Variants in S100Z observed in about 807,000 individuals in gnomAD.
S100Z encodes the protein S100 calcium binding protein Z, also known as protein S100-Z.
Under a neutral mutation model 8.5 loss-of-function variants are expected in S100Z, and 11 were observed. The ratio of observed to expected loss-of-function variants is 1.30; its 90% CI spans 0.82 to 2.15. S100Z has a LOEUF of 2.15. S100Z is among the 30% of genes most tolerant of loss of function. The pLI, the probability that S100Z is intolerant of heterozygous loss-of-function variation, is 0.00. For missense variants in S100Z, 126 were observed against 117.9 expected (o/e 1.07, Z -0.32); for synonymous variants, 34 against 43.8 (o/e 0.78, Z 0.89).
chr5:76,863,732 G>A (rs991014553), intron 1 of S100Z, among the ~76,000 whole-genome samples: 12 of 152,058 alleles, frequency 7.9e-5, no homozygotes, highest in South Asian at 2.1e-4. Context: ...TAGAGACGGG[G>A]TTTCACCGTG....
chr5:76,941,706 A>C, the S100Z span, among the ~76,000 whole-genome samples: 2 of 144,378 alleles, frequency 1.4e-5, no homozygotes, highest in African/African-American at 2.6e-5. Flanking sequence ...CTCCCCACCC[A>C]CTCCACCCCT....
At chr5:76,913,735 G>A (rs774519841) in intron 4 of S100Z, among the ~76,000 whole-genome samples, 15 of 152,186 alleles carry the variant, frequency 9.9e-5, no homozygotes, top group East Asian at 1.9e-4. Flanking sequence ...CTCCAAAACC[G>A]CAGAGGCGTA....
At chr5:76,950,991 A>G in the S100Z span, among the ~76,000 whole-genome samples, 1 of 151,856 alleles carries the variant, frequency 6.6e-6, no homozygotes, top group African/African-American at 2.4e-5. Context: ...GTTTTTCTCG[A>G]TAGCTTGTAG....
the S100Z span, among the ~76,000 whole-genome samples, chr5:76,937,726 C>T: frequency 7.1e-5 from 7 of 98,620 alleles, no homozygotes; most frequent in African/African-American, 2.6e-4. Context: ...GCACTCCAGG[C>T]TGGGCAACAA....
chr5:76,878,501 G>A (rs1052773803), intron 4 of S100Z, among the ~76,000 whole-genome samples: 1 of 152,176 alleles, frequency 6.6e-6, no homozygotes, highest in African/African-American at 2.4e-5. Flanking sequence ...CCCCAAGGGA[G>A]GCCACCTTTT....
intron 4 of S100Z, among the ~76,000 whole-genome samples, chr5:76,895,765 CTTTTTTTT>C (rs57723242): frequency 1.1e-5 from 1 of 88,336 alleles, no homozygotes; most frequent in African/African-American, 3.8e-5. Flanking sequence ...TCTTTTCTTC[CTTTTTTTT>C]TTTTTTTTTT....
At chr5:76,942,705 C>T in the S100Z span, among the ~76,000 whole-genome samples, 1 of 152,134 alleles carries the variant, frequency 6.6e-6, no homozygotes, top group Non-Finnish European at 1.5e-5. Context: ...TGGCACCAGT[C>T]AGCTTGTTTT....
intron 1 of S100Z, among the ~76,000 whole-genome samples, chr5:76,864,466 A>G (rs772524749): frequency 6.2e-5 from 8 of 130,040 alleles, no homozygotes; most frequent in Non-Finnish European, 1.1e-4. Context: ...CAGTGGCACA[A>G]TCTCGGCTAA....
At chr5:76,912,204 C>T (rs13177062) in intron 4 of S100Z, among the ~76,000 whole-genome samples, 1,912 of 152,216 alleles carry the variant, frequency 0.013, 23 homozygotes, top group Non-Finnish European at 0.021. Flanking sequence ...ATCAGACATC[C>T]GCCTACTTAG....
chr5:76,948,621 C>T, the S100Z span, among the ~76,000 whole-genome samples: 13 of 152,088 alleles, frequency 8.5e-5, no homozygotes, highest in East Asian at 1.9e-3. Context: ...ATCAAATCCA[C>T]GACGAGACAT....
chr5:76,905,648 G>A (rs995971716), intron 4 of S100Z, among the ~76,000 whole-genome samples: 13 of 152,028 alleles, frequency 8.6e-5, no homozygotes, highest in African/African-American at 3.1e-4. Context: ...TCCTGACCTC[G>A]TGATCTGCCT....
At chr5:76,877,567 G>C in intron 3 of S100Z, 107 bp from the exon 4 acceptor site, 1 of 722,206 alleles carries the variant, frequency 1.4e-6, no homozygotes, top group Non-Finnish European at 2.4e-6. Flanking sequence ...GTCTTTAGAT[G>C]CTATAAATGG....
chr5:76,859,196 A>T (rs531327195), intron 1 of S100Z, among the ~76,000 whole-genome samples: 1 of 152,342 alleles, frequency 6.6e-6, no homozygotes, highest in South Asian at 2.1e-4. Context: ...AGATGTAAAT[A>T]TTAGAACATA....
chr5:76,871,898 C>G (rs1743023338), intron 2 of S100Z, among the ~76,000 whole-genome samples: 1 of 152,184 alleles, frequency 6.6e-6, no homozygotes, highest in African/African-American at 2.4e-5. Context: ...CCAATGTACA[C>G]CTTACATATA....
intron 1 of S100Z, among the ~76,000 whole-genome samples, chr5:76,864,999 G>A (rs1468715067): frequency 6.6e-6 from 1 of 151,738 alleles, no homozygotes; most frequent in African/African-American, 2.4e-5. Context: ...GAGCCACCAC[G>A]CCCGGCCTAC....
intron 4 of S100Z, among the ~76,000 whole-genome samples, chr5:76,894,522 T>C (rs2150664175): frequency 6.6e-6 from 1 of 152,072 alleles, no homozygotes; most frequent in Non-Finnish European, 1.5e-5. Context: ...TACGTACGCA[T>C]GGAAGAAAGA....
chr5:76,915,388 G>A (rs902281014), intron 4 of S100Z, among the ~76,000 whole-genome samples: 4 of 151,016 alleles, frequency 2.6e-5, no homozygotes, highest in South Asian at 2.1e-4. Context: ...CAGACCACCA[G>A]GTCAGGAGAT....
chr5:76,867,593 T>A (rs1312651026), intron 1 of S100Z, among the ~76,000 whole-genome samples: 1 of 151,680 alleles, frequency 6.6e-6, no homozygotes, highest in Admixed American at 6.6e-5. Context: ...ACTTTTTTTT[T>A]TTCTTTTTTT....
chr5:76,883,995 CCTCTA>C (rs1743503436), intron 4 of S100Z, among the ~76,000 whole-genome samples: 1 of 145,296 alleles, frequency 6.9e-6, no homozygotes, highest in African/African-American at 2.6e-5. Flanking sequence ...TACTTGGCTG[CCTCTA>C]CTCTATTATT....
Sources: gnomAD v4.1 joint callset for allele counts (sites outside exome capture counted in the v4.1 genomes callset) on GRCh38, gnomAD v4.1.1 for gene constraint, MANE v1.5 for transcripts, NCBI Gene and HGNC (gene_info 2026-07-23, HGNC 2026-07-21) for gene names.